The following DNAJC24 variants were observed in gnomAD, a reference collection of about 807,000 sequenced individuals.
DNAJC24 encodes the protein DnaJ heat shock protein family (Hsp40) member C24, also known as dnaJ homolog subfamily C member 24.
A neutral mutation model predicts 18.0 loss-of-function variants in DNAJC24; 17 were observed. The observed-to-expected ratio is 0.94, with a 90% CI of 0.65 to 1.42. DNAJC24 has a LOEUF of 1.42. Among genes scored for constraint, DNAJC24 ranks in the 40% most tolerant of loss-of-function variants. The probability of loss-of-function intolerance (pLI) is 0.00; values close to 1 mark genes in which losing one functional copy is unlikely to be tolerated. For missense variants in DNAJC24, 158 were observed against 175.6 expected (o/e 0.90, Z 0.57); for synonymous variants, 55 against 57.7 (o/e 0.95, Z 0.21).
intron 2 of DNAJC24, among the ~76,000 whole-genome samples, chr11:31,408,963 G>A (rs1475919540): frequency 6.6e-6 from 1 of 152,102 alleles, no homozygotes; most frequent in Non-Finnish European, 1.5e-5. Flanking sequence ...CATATTTATG[G>A]TATTTTAATT....
chr11:31,416,746 A>T (rs929176154), intron 3 of DNAJC24: 9 of 152,156 alleles, frequency 5.9e-5, no homozygotes, highest in African/African-American at 2.2e-4. Flanking sequence ...GTAGGCCAGA[A>T]ACCAAAAGAA....
chr11:31,370,895 GA>G (rs768351705), intron 2 of DNAJC24, 36 bp downstream of exon 2: 15 of 1,384,282 alleles, frequency 1.1e-5, no homozygotes, highest in Middle Eastern at 1.9e-4. Flanking sequence ...ATCATGAGGG[GA>G]AAAAAATCAA....
In DNAJC24 at chr11:31,430,314, C is replaced by T. The variant is rs1387863788; in HGVS notation, c.363C>T (p.Tyr121=). The part of the protein sequence containing the change: ...FYLSCRCGGK[Y]SVSKDEAEEV... ...TGAGTTGCAGATGTGGTGGAAAATA[C>T]AGTGTTTCCAAGGATGAAGCGGAAG... Residue 121 remains tyrosine, a synonymous_variant, in exon 5 of 5, where the codon TAC becomes TAT. Coordinates refer to ENST00000465995, the MANE Select transcript of DNAJC24 (RefSeq NM_181706.5). The T allele has an allele frequency of 6.2e-7, 1 of 1,610,984 alleles. No homozygotes were observed. The highest frequency in any genetic ancestry group is 1.7e-5 in the Admixed American group (1 of 59,912).
intron 2 of DNAJC24, among the ~76,000 whole-genome samples, chr11:31,396,672 C>G (rs1031119939): frequency 1.3e-5 from 2 of 152,116 alleles, no homozygotes; most frequent in African/African-American, 4.8e-5. Context: ...CTTACCCATT[C>G]CATCCTACTA....
rs1952190422 is a variant in DNAJC24, at chr11:31,369,904, T to G, written c.-42T>G. ...CGAGGAGTGGGTAGCAGCGCCTATG[T>G]GAAGTTAGGTAGGTCTGATGTCGTA... On this transcript the variant is annotated 5_prime_UTR_variant, in exon 1 of 5. An upstream open reading frame in the 5' UTR loses its in-frame stop. Coordinates refer to ENST00000465995, the MANE Select transcript of DNAJC24 (RefSeq NM_181706.5). 6.6e-6 allele frequency: 1 copy of G among 152,488 alleles called. No individual in the cohort carries two copies. Among genetic ancestry groups the G allele is most frequent in the Non-Finnish European group, 1.5e-5 (1 of 68,052 alleles). The allele number at this position is 152,488 out of a possible 1,614,324, so 9.4% of individuals were successfully genotyped here.
intron 1 of DNAJC24, 50 bp from the exon 2 acceptor site, chr11:31,370,666 C>G (rs1952219980): frequency 1.1e-6 from 1 of 882,174 alleles, no homozygotes; most frequent in East Asian, 2.7e-5. Context: ...TTAATTTTTT[C>G]TTAGATACAT....
chr11:31,380,039 G>A (rs976571018), intron 2 of DNAJC24, among the ~76,000 whole-genome samples: 2 of 152,108 alleles, frequency 1.3e-5, no homozygotes, highest in Non-Finnish European at 2.9e-5. Flanking sequence ...CAAAATGCTG[G>A]GATTATGGGC....
At chr11:31,416,380 T>A (rs1283275776) in intron 3 of DNAJC24, 1 of 152,174 alleles carries the variant, frequency 6.6e-6, no homozygotes, top group African/African-American at 2.4e-5. Context: ...TTCACATGAT[T>A]TCTATGAAAG....
At chr11:31,415,590 C>T (rs17705427) in intron 3 of DNAJC24, 4 of 152,098 alleles carry the variant, frequency 2.6e-5, no homozygotes, top group East Asian at 1.9e-4. Context: ...TGCAGTTACA[C>T]GAAGTGATAG....
At chr11:31,405,289 C>T (rs1445998580) in intron 2 of DNAJC24, among the ~76,000 whole-genome samples, 2 of 151,674 alleles carry the variant, frequency 1.3e-5, no homozygotes, top group Non-Finnish European at 2.9e-5. Context: ...AGGCTAGTCT[C>T]GAACTCCTGA....
chr11:31,419,272 GT>G (rs965042999), intron 3 of DNAJC24, among the ~76,000 whole-genome samples: 2 of 151,848 alleles, frequency 1.3e-5, no homozygotes, highest in South Asian at 2.1e-4. Context: ...CGGGGGGTAT[GT>G]TTTTTTTGGT....
rs554677753 is a variant in DNAJC24, at chr11:31,400,298, G to A, written c.112-14513G>A. On this transcript the variant is annotated intron_variant, in intron 2 of 4. Transcript: ENST00000465995. ...CAGTAATGGGATTGCTGGGTCAAAT[G>A]GTATTTCTGGTTCTAGGTCCTTGAG... 7.9e-5 allele frequency among the ~76,000 whole-genome samples: 12 copies of A among 152,168 alleles called. No individual in the cohort carries two copies. In the East Asian group the frequency reaches 1.9e-3, roughly 25 times the overall value.
At chr11:31,379,473 C>A (rs1952353697) in intron 2 of DNAJC24, among the ~76,000 whole-genome samples, 1 of 152,200 alleles carries the variant, frequency 6.6e-6, no homozygotes, top group South Asian at 2.1e-4. Context: ...GGGACCGCTG[C>A]TCTCGCTGAC....
intron 3 of DNAJC24, among the ~76,000 whole-genome samples, chr11:31,423,402 A>G (rs1330016214): frequency 6.6e-6 from 1 of 152,192 alleles, no homozygotes; most frequent in African/African-American, 2.4e-5. Flanking sequence ...CTAGGACTGC[A>G]GGCGCACACC....
chr11:31,396,039 G>T (rs1280335480), intron 2 of DNAJC24, among the ~76,000 whole-genome samples: 1 of 151,958 alleles, frequency 6.6e-6, no homozygotes, highest in East Asian at 1.9e-4. Context: ...CTTTCTTCTT[G>T]CCAAACATTA....
intron 2 of DNAJC24, chr11:31,384,581 T>C (rs1268991500): frequency 6.6e-6 from 1 of 152,248 alleles, no homozygotes; most frequent in Non-Finnish European, 1.5e-5. Flanking sequence ...CCCTTTTCTA[T>C]TATTCCTTAC....
intron 2 of DNAJC24, among the ~76,000 whole-genome samples, chr11:31,396,794 A>G (rs1371301966): frequency 1.3e-5 from 2 of 150,976 alleles, no homozygotes; most frequent in Non-Finnish European, 3.0e-5. Flanking sequence ...ATACTAAAAA[A>G]CTCTCTATGA....
intron 2 of DNAJC24, among the ~76,000 whole-genome samples, chr11:31,405,374 ATTT>A (rs34856586): frequency 1.5e-5 from 2 of 134,390 alleles, no homozygotes; most frequent in Non-Finnish European, 3.3e-5. Context: ...CCAGCCAGGA[ATTT>A]TTTTTTTTTT....
At chr11:31,392,418 A>G (rs1952506138) in intron 2 of DNAJC24, among the ~76,000 whole-genome samples, 1 of 152,198 alleles carries the variant, frequency 6.6e-6, no homozygotes, top group African/African-American at 2.4e-5. Context: ...ACCAAGTCAT[A>G]AGGCCCACTC....
Sources: allele counts gnomAD v4.1 joint callset (sites outside exome capture counted in the v4.1 genomes callset), GRCh38; gene constraint gnomAD v4.1.1; transcripts MANE v1.5; gene names NCBI Gene and HGNC (gene_info 2026-07-23, HGNC 2026-07-21).